Variants in RPF1 observed in about 807,000 individuals in gnomAD.
RPF1 encodes ribosome production factor 1.
A neutral mutation model predicts 41.9 loss-of-function variants in RPF1; 34 were observed. The ratio of observed to expected loss-of-function variants is 0.81; its 90% confidence interval spans 0.62 to 1.08. The LOEUF (loss-of-function observed/expected upper bound fraction) is 1.08, where lower values mean the gene tolerates loss of function less well. Ranked by LOEUF, RPF1 falls within the 50% of genes least tolerant of loss-of-function variation. The probability of loss-of-function intolerance (pLI) is 0.00; values close to 1 mark genes in which losing one functional copy is unlikely to be tolerated. For synonymous variants in RPF1, 140 were observed against 148.9 expected, an observed-to-expected ratio of 0.94 and a Z score of 0.43; for missense variants, 425 against 435.2, an observed-to-expected ratio of 0.98 and a Z score of 0.21.
rs756110333 is a variant in RPF1, at chr1:84,489,701, C to T, written c.435C>T (p.Leu145=). 4.4e-6 allele frequency: 7 copies of T among 1,597,922 alleles called. No homozygotes were observed. The Admixed American group carries it at 8.3e-5, about 19-fold the overall frequency. ...ACAAACAGACTTCTCCCAAGATTCT[C>T]ATCACAACATCAGATAGACCTCATG... ...YFNKQTSPKI[L]ITTSDRPHGR... The change falls in exon 4 of 9, where the codon CTC becomes CTT. Residue 145 remains leucine, a synonymous_variant. Transcript: ENST00000370654.
At chr1:84,485,027 G>T (rs894733743) in intron 3 of RPF1, among the ~76,000 whole-genome samples, 1 of 152,122 alleles carries the variant, frequency 6.6e-6, no homozygotes, top group African/African-American at 2.4e-5. Flanking sequence ...AGATAATGAG[G>T]TATCTTGATG....
At chr1:84,491,543 C>A (rs1200704821) in intron 5 of RPF1, among the ~76,000 whole-genome samples, 1 of 152,114 alleles carries the variant, frequency 6.6e-6, no homozygotes, top group African/African-American at 2.4e-5. Context: ...GTTTTGTTGG[C>A]CATATTATAA....
chr1:84,496,656 G>C (rs1441121231), intron 8 of RPF1, among the ~76,000 whole-genome samples: 2 of 151,540 alleles, frequency 1.3e-5, no homozygotes, highest in African/African-American at 2.4e-5. Context: ...CTCAAAGCGA[G>C]ACCAGCACCA....
intron 2 of RPF1, 24 bp from the exon 3 acceptor site, chr1:84,482,891 T>C (rs1361228080): frequency 6.9e-7 from 1 of 1,456,350 alleles, no homozygotes; most frequent in Non-Finnish European, 9.6e-7. Flanking sequence ...CCTTCTAAAA[T>C]GTAATCCCTT....
intron 8 of RPF1, 105 bp from the exon 9 acceptor site, chr1:84,497,324 T>G: frequency 1.2e-6 from 1 of 869,094 alleles, no homozygotes; most frequent in Non-Finnish European, 1.8e-6. Flanking sequence ...AGCACTAGTG[T>G]TACTTATGAA....
rs763236878 is a variant in RPF1 at position 84,497,461 on chromosome 1, C to A, written c.1041C>A (p.Phe347Leu). Residue 347 changes from phenylalanine to leucine, a missense_variant, in exon 9 of 9, where the codon TTC becomes TTA. By Grantham distance (22) the Phe-to-Leu change is conservative. Transcript: ENST00000370654. ...AAATGGATACAAGTAGAAGAAAATT[C>A]CATTTATAAAGTACTGAGAGAATGA... Reference protein sequence around the residue: ...PREMDTSRRKFHL With the variant: ...PREMDTSRRKLHL The A allele has an allele frequency of 1.2e-6, 2 of 1,610,676 alleles. No homozygotes were observed. The highest frequency in any genetic ancestry group is 8.5e-7 in the Non-Finnish European group (1 of 1,177,834).
At chr1:84,491,762 G>C (rs80169454) in intron 5 of RPF1, among the ~76,000 whole-genome samples, 3,846 of 152,308 alleles carry the variant, frequency 0.025, 72 homozygotes, top group Middle Eastern at 0.058. Context: ...ACTCTGCTAA[G>C]AAGCAGGCAT....
chr1:84,483,044 A>C, intron 3 of RPF1, 49 bp downstream of exon 3: 9 of 1,159,882 alleles, frequency 7.8e-6, no homozygotes, highest in Non-Finnish European at 1.2e-5. Context: ...TATAATTGAT[A>C]AATTATATGT....
intron 3 of RPF1, among the ~76,000 whole-genome samples, chr1:84,485,300 T>A (rs927721882): frequency 1.3e-5 from 2 of 152,194 alleles, no homozygotes; most frequent in African/African-American, 4.8e-5. Context: ...GGTTTCACCA[T>A]GTTGCCCAGG....
chr1:84,483,251 G>A, intron 3 of RPF1: 1 of 443,306 alleles, frequency 2.3e-6, no homozygotes. Flanking sequence ...GTATTTTGGA[G>A]GGTTTTGTTT....
chr1:84,494,329 A>T (rs573324246), intron 5 of RPF1, among the ~76,000 whole-genome samples: 2 of 152,338 alleles, frequency 1.3e-5, no homozygotes, highest in South Asian at 4.1e-4. Context: ...CATAGCTTCT[A>T]ATCTGGAGGA....
rs1681974533 is a variant in RPF1 at position 84,497,979 on chromosome 1, A to AATC, written c.*510_*512dup. Among the ~76,000 whole-genome samples the AATC allele has an allele frequency of 6.6e-6, 1 of 152,212 alleles. No homozygotes were observed. The highest frequency in any genetic ancestry group is 1.5e-5 in the Non-Finnish European group (1 of 68,026). On this transcript the variant is annotated 3_prime_UTR_variant, in exon 9 of 9. Coordinates refer to ENST00000370654, the MANE Select transcript of RPF1 (RefSeq NM_025065.7). ...AGCAAAGTTGCAAATTACTGAAGCTAATCTTTGCTTCCTGATTTTGAGGTT... is the reference window on the plus strand; with the variant it reads ...AGCAAAGTTGCAAATTACTGAAGCTAATCATCTTTGCTTCCTGATTTTGAGGTT...
At position 84,495,405 on chromosome 1, in the gene RPF1, C is replaced by A; in HGVS notation, c.649C>A (p.Pro217Thr). The A allele has an allele frequency of 6.5e-7, 1 of 1,539,240 alleles. No homozygotes were observed. The highest frequency in any genetic ancestry group is 1.9e-5 in the Admixed American group (1 of 52,802). The change falls in exon 6 of 9, where the codon CCA becomes ACA. Residue 217 changes from proline (P) to threonine (T), a missense_variant. By Grantham distance (38) the Pro-to-Thr change is conservative (BLOSUM62 -1). Coordinates refer to ENST00000370654, the MANE Select transcript of RPF1 (RefSeq NM_025065.7). ...GLILSHLPNG[P>T]TAHFKMSSVR... Reference sequence around the variant, plus strand: ...TATTTTGAGTCACTTGCCAAATGGCCCAACTGCTCATTTTAAAATGAGCAG... The same window carrying A: ...TATTTTGAGTCACTTGCCAAATGGCACAACTGCTCATTTTAAAATGAGCAG...
chr1:84,495,856 A>G (rs1681925665), intron 6 of RPF1, 26 bp from the exon 7 acceptor site: 3 of 1,440,518 alleles, frequency 2.1e-6, no homozygotes, highest in South Asian at 1.2e-5. Context: ...GCCCATTGTG[A>G]TATTTATTTT....
In RPF1 at chr1:84,495,427, G is replaced by A; in HGVS notation, c.671G>A (p.Ser224Asn). The change falls in exon 6 of 9, where the codon AGC becomes AAC. Residue 224 changes from serine to asparagine, a missense_variant. Ser to Asn is a conservative substitution (Grantham distance 46). Coordinates refer to ENST00000370654, the MANE Select transcript of RPF1 (RefSeq NM_025065.7). ...PNGPTAHFKM[S>N]SVRLRKEIKR... ...GGCCCAACTGCTCATTTTAAAATGA[G>A]CAGTGTTCGTCTTCGTAAAGAAATT... 1 of 1,498,228 alleles carries A rather than the reference G, an allele frequency of 6.7e-7. No individual in the cohort carries two copies. Among genetic ancestry groups the A allele is most frequent in the Non-Finnish European group, 9.2e-7 (1 of 1,089,004 alleles). 92.8% of individuals were successfully genotyped at this position (1,498,228 alleles called of 1,614,324 possible).
At chr1:84,496,461 A>G in intron 8 of RPF1, 91 bp downstream of exon 8, 1 of 1,139,832 alleles carries the variant, frequency 8.8e-7, no homozygotes, top group Non-Finnish European at 1.2e-6. Flanking sequence ...TAGCTAATGG[A>G]TGCTGGGCTT....
intron 8 of RPF1, among the ~76,000 whole-genome samples, 184 bp from the exon 9 acceptor site, chr1:84,497,241 ACAGT>A (rs1172523256): frequency 2.0e-5 from 3 of 151,182 alleles, no homozygotes; most frequent in African/African-American, 7.3e-5. Flanking sequence ...TCACACACAC[ACAGT>A]AACTGCCAAC....
intron 2 of RPF1, among the ~76,000 whole-genome samples, chr1:84,482,155 A>C (rs1247779922): frequency 6.6e-6 from 1 of 152,198 alleles, no homozygotes; most frequent in East Asian, 1.9e-4. Context: ...TAGAGTAATA[A>C]ATGCTAGTTT....
At chr1:84,493,003 C>T (rs551744611) in intron 5 of RPF1, among the ~76,000 whole-genome samples, 1 of 152,294 alleles carries the variant, frequency 6.6e-6, no homozygotes, top group East Asian at 1.9e-4. Flanking sequence ...GGCATGATGA[C>T]TCCTGTTTTA....
Sources: gnomAD v4.1 joint callset for allele counts (sites outside exome capture counted in the v4.1 genomes callset) on GRCh38, gnomAD v4.1.1 for gene constraint, MANE v1.5 for transcripts, NCBI Gene and HGNC (gene_info 2026-07-23, HGNC 2026-07-21) for gene names.